Variants in LRP2 observed in about 807,000 individuals in gnomAD.
LRP2 encodes LDL receptor related protein 2.
In LRP2, 172 loss-of-function variants were observed where a neutral mutation model predicts 531.0. That is an observed-to-expected ratio of 0.32 (90% CI 0.29 to 0.37). LRP2 has a LOEUF of 0.37. LRP2 is among the 10% of genes least tolerant of loss of function. The pLI, the probability that LRP2 is intolerant of heterozygous loss-of-function variation, is 1.00. For missense variants in LRP2, 5,167 were observed against 5,868.3 expected, an observed-to-expected ratio of 0.88 and a Z score of 3.90; for synonymous variants, 1,992 against 2,027.6, an observed-to-expected ratio of 0.98 and a Z score of 0.47.
chr2:169,155,097 C>T (rs1279837098), intron 65 of LRP2, among the ~76,000 whole-genome samples: 1 of 152,158 alleles, frequency 6.6e-6, no homozygotes, highest in Admixed American at 6.5e-5. Context: ...TAGCTCCTAG[C>T]TAATGACAAA....
chr2:169,170,983 A>G (rs1032599642), intron 58 of LRP2, among the ~76,000 whole-genome samples: 4 of 117,072 alleles, frequency 3.4e-5, no homozygotes, highest in African/African-American at 1.3e-4. Context: ...CTGACTTTGA[A>G]CTCCTGGTCT....
intron 16 of LRP2, among the ~76,000 whole-genome samples, chr2:169,261,735 C>T (rs1690563239): frequency 6.6e-6 from 1 of 152,122 alleles, no homozygotes; most frequent in Admixed American, 6.6e-5. Flanking sequence ...TCCTCCCTAA[C>T]TCATTTTATG....
At chr2:169,301,035 T>A (rs1336260601) in intron 4 of LRP2, among the ~76,000 whole-genome samples, 1 of 152,142 alleles carries the variant, frequency 6.6e-6, no homozygotes, top group Non-Finnish European at 1.5e-5. Context: ...CAGCCCCAGT[T>A]GCAGGCAGAC....
intron 44 of LRP2, 147 bp downstream of exon 44, chr2:169,201,481 G>C (rs1286037255): frequency 7.6e-6 from 7 of 921,482 alleles, no homozygotes; most frequent in Non-Finnish European, 9.7e-6. Context: ...GTTGATACTT[G>C]CTACCGCGCC....
In LRP2 at chr2:169,201,708, C is replaced by T. The variant is rs139266058; in HGVS notation, c.8372G>A (p.Arg2791Lys). 55 of 1,614,198 alleles carry T rather than the reference C, an allele frequency of 3.4e-5. No homozygotes were observed. Among genetic ancestry groups the T allele is most frequent in the Non-Finnish European group, 4.5e-5 (53 of 1,180,034 alleles). Residue 2791 changes from arginine to lysine, a missense_variant, in exon 44 of 79, where the codon AGA becomes AAA. Coordinates refer to ENST00000649046, the MANE Select transcript of LRP2 (RefSeq NM_004525.3). ...NATTEFMCNN[R>K]RCIPREFICN... ...GATAAACTCACGAGGTATGCACCTT[C>T]TGTTATTGCACATAAACTCCGTGGT...
chr2:169,192,017 C>T lies in LRP2; in HGVS notation c.8847G>A (p.Ser2949=), dbSNP rs181346149. Residue 2949 remains serine (S), a synonymous_variant, in exon 48 of 79, where the codon TCG becomes TCA. Coordinates refer to ENST00000649046, the MANE Select transcript of LRP2 (RefSeq NM_004525.3). ...CATTTACACAGAGAAACTCGGAATC[C>T]GAGCAGTTTTGATTCTCTGAAACCA... is the stretch of plus-strand genomic sequence containing the variant. ...KRHQCQNQNC[S]DSEFLCVNDR... The T allele has an allele frequency of 4.7e-5, 75 of 1,612,292 alleles. No individual in the cohort carries two copies. The African/African-American group carries it at 7.1e-4, about 15-fold the overall frequency.
chr2:169,177,984 A>G lies in LRP2; in HGVS notation c.10212T>C (p.Asp3404=), dbSNP rs766191868. The change falls in exon 53 of 79, where the codon GAT becomes GAC. Residue 3404 remains aspartate, a synonymous_variant. Coordinates refer to ENST00000649046, the MANE Select transcript of LRP2 (RefSeq NM_004525.3). ...LEGHHRHTVY[D]GALPHPFAIT... is the part of the protein sequence containing the mutation. ...TAGCGAAAGGGTGAGGCAGTGCCCC[A>G]TCATACACCGTGTGTCGATGGTGGC... is the stretch of plus-strand genomic sequence containing the variant. The G allele has an allele frequency of 1.5e-5, 25 of 1,614,056 alleles. No homozygotes were observed. The highest frequency in any genetic ancestry group is 2.0e-5 in the Non-Finnish European group (24 of 1,180,042).
chr2:169,283,747 C>T (rs985717441), intron 9 of LRP2, among the ~76,000 whole-genome samples: 7 of 152,294 alleles, frequency 4.6e-5, no homozygotes, highest in Non-Finnish European at 8.8e-5. Flanking sequence ...ATTATTCACT[C>T]ATTTAGTAAG....
intron 1 of LRP2, among the ~76,000 whole-genome samples, chr2:169,357,195 G>C (rs10198558): frequency 0.015 from 2,287 of 150,790 alleles, 61 homozygotes; most frequent in African/African-American, 0.053. Flanking sequence ...CTCTAGATTC[G>C]TGCAGTCAAC....
At chr2:169,161,390 T>C (rs1258555270) in intron 63 of LRP2, among the ~76,000 whole-genome samples, 2 of 152,210 alleles carry the variant, frequency 1.3e-5, no homozygotes, top group Admixed American at 1.3e-4. Context: ...TCCATCAAAA[T>C]ATTGAGCTAG....
At chr2:169,328,315 C>T (rs1340129550) in intron 1 of LRP2, among the ~76,000 whole-genome samples, 2 of 144,812 alleles carry the variant, frequency 1.4e-5, no homozygotes, top group Admixed American at 6.8e-5. Context: ...CCCGGCCAGA[C>T]GCCCCGTCCG....
In LRP2 at chr2:169,128,701, CTTT is replaced by C. The variant is rs773207983; in HGVS notation, c.13927_13929del (p.Lys4643del). ...TCTTCTTTAACAAGATTTGCGGTGT[CTTT>C]AAAAGTGTCTTCTGTTGCAGAATAG... On this transcript the variant is annotated inframe_deletion, in exon 79 of 79. Transcript: ENST00000649046. The C allele has an allele frequency of 6.8e-6, 11 of 1,613,980 alleles. No homozygotes were observed. The highest frequency in any genetic ancestry group is 9.3e-6 in the Non-Finnish European group (11 of 1,180,002).
At chr2:169,260,775 T>A (rs1690513910) in intron 16 of LRP2, among the ~76,000 whole-genome samples, 1 of 151,740 alleles carries the variant, frequency 6.6e-6, no homozygotes, top group Non-Finnish European at 1.5e-5. Flanking sequence ...AGGAAAGGTG[T>A]GAAATTATTC....
intron 46 of LRP2, among the ~76,000 whole-genome samples, chr2:169,194,715 A>ACTTTTTT (rs1687945192): frequency 1.8e-5 from 2 of 110,608 alleles, no homozygotes; most frequent in Non-Finnish European, 3.7e-5. Context: ...ATTGATCCAG[A>ACTTTTTT]CTTTTTTTTT....
Position 169,213,885 on chromosome 2 carries a change from T to G in LRP2, c.5827-15A>C, listed in dbSNP as rs1253053079. The G allele has an allele frequency of 1.3e-6, 2 of 1,571,470 alleles. No homozygotes were observed. The highest frequency in any genetic ancestry group is 1.8e-6 in the Non-Finnish European group (2 of 1,141,874). The stretch of plus-strand genomic sequence containing the variant: ...CCTCTTTCAATCTAAAGGATTGGAA[T>G]TTTCATTAGTTTCATGGATTCATAG... On this transcript the variant is annotated splice_polypyrimidine_tract_variant and intron_variant, in intron 35 of 78. Coordinates refer to ENST00000649046, the MANE Select transcript of LRP2 (RefSeq NM_004525.3).
chr2:169,140,407 C>T, intron 72 of LRP2, 48 bp downstream of exon 72: 1 of 1,482,540 alleles, frequency 6.7e-7, no homozygotes, highest in East Asian at 2.3e-5. Flanking sequence ...CTCAAATTTC[C>T]CCAGAAGAGG....
At chr2:169,293,908 C>G (rs1021017140) in intron 6 of LRP2, among the ~76,000 whole-genome samples, 5 of 152,080 alleles carry the variant, frequency 3.3e-5, no homozygotes, top group Non-Finnish European at 7.4e-5. Context: ...TGTCCATCAC[C>G]AGCCCTTTAC....
intron 50 of LRP2, 77 bp downstream of exon 50, chr2:169,185,426 A>T: frequency 6.8e-7 from 1 of 1,464,786 alleles, no homozygotes; most frequent in Non-Finnish European, 9.3e-7. Context: ...TTGAAAAATT[A>T]ATTTCCTATC....
intron 66 of LRP2, among the ~76,000 whole-genome samples, 185 bp downstream of exon 66, chr2:169,154,275 C>T (rs1686251914): frequency 6.6e-6 from 1 of 152,126 alleles, no homozygotes; most frequent in East Asian, 1.9e-4. Context: ...AGAAAGAAAT[C>T]AGGAAAGCTT....
Sources: gnomAD v4.1 joint callset for allele counts (sites outside exome capture counted in the v4.1 genomes callset) on GRCh38, gnomAD v4.1.1 for gene constraint, MANE v1.5 for transcripts, NCBI Gene and HGNC (gene_info 2026-07-23, HGNC 2026-07-21) for gene names.